PTPRM: variants seen among roughly 807,000 people sequenced by gnomAD.
PTPRM encodes the protein protein tyrosine phosphatase receptor type M.
In PTPRM, 47 loss-of-function variants were observed where a neutral mutation model predicts 186.7. The ratio of observed to expected loss-of-function variants is 0.25; its 90% CI spans 0.20 to 0.32. The LOEUF is 0.32. Among genes scored for constraint, PTPRM ranks in the 10% least tolerant of loss-of-function variants. The pLI, the probability that PTPRM is intolerant of heterozygous loss-of-function variation, is 1.00. For missense variants in PTPRM, 1,494 were observed against 1,865.0 expected (o/e 0.80, Z 3.66); for synonymous variants, 668 against 674.9 (o/e 0.99, Z 0.16).
At chr18:7,765,135 TAAGAAA>T (rs1289583496) in intron 1 of PTPRM, among the ~76,000 whole-genome samples, 8 of 152,166 alleles carry the variant, frequency 5.3e-5, no homozygotes, top group African/African-American at 1.9e-4. Flanking sequence ...TTACTATCAA[TAAGAAA>T]AATACATCTT....
Position 7,567,883 on chromosome 18 carries a change from C to A in PTPRM, c.65C>A (p.Thr22Lys), listed in dbSNP as rs760580605. The change falls in exon 1 of 33, where the codon ACG becomes AAG. Residue 22 changes from threonine (T) to lysine (K), a missense_variant. Physicochemically the swap from Thr to Lys is moderately conservative, Grantham distance 78. Transcript: ENST00000580170. The surrounding 1 kb of genome is among the most constrained non-coding windows in gnomAD (Gnocchi z 4.3). ...AGLLLTAAGE[T>K]FSGGCLFDEP... ...CTTTTGCTAACTGCGGCGGGCGAGA[C>A]GTTCTCAGGTAAGCGGGACCGCCTC... 2.4e-5 allele frequency: 37 copies of A among 1,558,544 alleles called. No individual in the cohort carries two copies. Among genetic ancestry groups the A allele is most frequent in the East Asian group, 5.3e-5 (2 of 37,570 alleles).
intron 22 of PTPRM, among the ~76,000 whole-genome samples, chr18:8,325,285 T>C (rs1026734409): frequency 2.6e-5 from 4 of 152,198 alleles, no homozygotes; most frequent in Non-Finnish European, 4.4e-5. Flanking sequence ...TAATACCCGA[T>C]AGGTAGTTTT....
intron 3 of PTPRM, among the ~76,000 whole-genome samples, chr18:7,905,103 C>T (rs910985614): frequency 6.6e-6 from 1 of 152,142 alleles, no homozygotes; most frequent in South Asian, 2.1e-4. Flanking sequence ...AAGCGATTCT[C>T]CTGTGTCAGC....
chr18:7,888,321 C>T lies in PTPRM; in HGVS notation c.412C>T (p.Arg138Cys), dbSNP rs771044309. 9.3e-6 allele frequency: 15 copies of T among 1,614,092 alleles called. No individual in the cohort carries two copies. Among genetic ancestry groups the T allele is most frequent in the African/African-American group, 6.7e-5 (5 of 74,946 alleles). The change falls in exon 3 of 33, where the codon CGT (arginine) becomes TGT (cysteine). Residue 138 changes from arginine to cysteine, a missense_variant. By Grantham distance (180) the Arg-to-Cys change is radical (BLOSUM62 -3). Around this residue, in one of 3 missense-constraint regions of PTPRM, gnomAD observed 296 missense variants for 345.5 expected, o/e 0.86. Transcript: ENST00000580170. Reference sequence around the variant, plus strand: ...CTGGAATATATCTGGAGACCCAACACGTACATGGAACAGGGCAGAACTGGC... The same window carrying T: ...CTGGAATATATCTGGAGACCCAACATGTACATGGAACAGGGCAGAACTGGC... ...PIWNISGDPT[R>C]TWNRAELAIS...
At chr18:7,963,413 C>T (rs1279130922) in intron 7 of PTPRM, among the ~76,000 whole-genome samples, 2 of 152,180 alleles carry the variant, frequency 1.3e-5, no homozygotes, top group Non-Finnish European at 2.9e-5. Flanking sequence ...TCAGAAGCTC[C>T]TCTAAAAAGT....
intron 2 of PTPRM, among the ~76,000 whole-genome samples, chr18:7,835,655 G>T (rs2046007182): frequency 6.6e-6 from 1 of 152,086 alleles, no homozygotes; most frequent in Non-Finnish European, 1.5e-5. Context: ...AACAAATACT[G>T]AAAGTGGGAT....
In PTPRM at chr18:7,735,908, A is replaced by G. The variant is rs372225571; in HGVS notation, c.74-38241A>G. 3.3e-5 allele frequency among the ~76,000 whole-genome samples: 5 copies of G among 151,960 alleles called. No homozygotes were observed. In the East Asian group the frequency reaches 7.7e-4, roughly 24 times the overall value. ...GCTGAACTCTTTTAACCAATTGCCA[A>G]TCAGGAAATCTTTGAATCCTTCTTT... On this transcript the variant is annotated intron_variant, in intron 1 of 32. Coordinates refer to ENST00000580170, the MANE Select transcript of PTPRM (RefSeq NM_001105244.2).
intron 14 of PTPRM, among the ~76,000 whole-genome samples, chr18:8,172,052 A>G (rs1600989239): frequency 6.6e-6 from 1 of 152,320 alleles, no homozygotes; most frequent in African/African-American, 2.4e-5. Flanking sequence ...TCGGAAAATC[A>G]TAAGTCAGGG....
rs149985449 is a variant in PTPRM, at chr18:8,252,516, G to C, written c.2566+17G>C. ...CAATAAATGGTAAGTTCCCCGATTC[G>C]CCCCATGGAAGAGTTGTGGAGGGAG... On this transcript the variant is annotated intron_variant, in intron 18 of 32. Coordinates refer to ENST00000580170, the MANE Select transcript of PTPRM (RefSeq NM_001105244.2). 1.9e-6 allele frequency: 3 copies of C among 1,544,376 alleles called. No individual in the cohort carries two copies. In the African/African-American group the frequency reaches 4.1e-5, roughly 21 times the overall value.
At chr18:7,810,685 G>A (rs1414262766) in intron 2 of PTPRM, among the ~76,000 whole-genome samples, 3 of 152,096 alleles carry the variant, frequency 2.0e-5, no homozygotes, top group African/African-American at 7.2e-5. Context: ...GAAGTTTGCA[G>A]GGGGGCATTA....
intron 20 of PTPRM, among the ~76,000 whole-genome samples, chr18:8,312,041 CT>C (rs766546657): frequency 6.6e-6 from 1 of 152,166 alleles, no homozygotes; most frequent in Non-Finnish European, 1.5e-5. Context: ...GGTTGCCTGC[CT>C]TTTGAAAACC....
chr18:8,131,183 T>G (rs591062), intron 13 of PTPRM, among the ~76,000 whole-genome samples: 1 of 152,044 alleles, frequency 6.6e-6, no homozygotes, highest in African/African-American at 2.4e-5. Flanking sequence ...GATTTCTTGA[T>G]AGTATGTAGG....
At chr18:8,137,779 G>C (rs557289228) in intron 13 of PTPRM, among the ~76,000 whole-genome samples, 1 of 151,962 alleles carries the variant, frequency 6.6e-6, no homozygotes, top group African/African-American at 2.4e-5. Flanking sequence ...CCCACCCAGC[G>C]TTGAAGCCTT....
At chr18:7,900,455 A>G (rs2049602703) in intron 3 of PTPRM, among the ~76,000 whole-genome samples, 1 of 152,222 alleles carries the variant, frequency 6.6e-6, no homozygotes, top group South Asian at 2.1e-4. Flanking sequence ...GATGCTGTCA[A>G]AACTATGCCG....
In PTPRM at chr18:7,941,700, C is replaced by T. The variant is rs550712760; in HGVS notation, c.664-7481C>T. ...CCAAGGCACCAGAAACAGACGTCAG[C>T]GTTGGTGCCAACGAGCAGCTGCGAC... is the stretch of plus-strand genomic sequence containing the variant. On this transcript the variant is annotated intron_variant, in intron 5 of 32. Coordinates refer to ENST00000580170, the MANE Select transcript of PTPRM (RefSeq NM_001105244.2). Among the ~76,000 whole-genome samples the T allele has an allele frequency of 2.2e-4, 33 of 152,326 alleles. 1 individual carries two copies. Among genetic ancestry groups the T allele is most frequent in the South Asian group, 1.5e-3 (7 of 4,826 alleles).
At position 7,860,521 on chromosome 18, in the gene PTPRM, A is replaced by G. The variant is rs141537321; in HGVS notation, c.197-27585A>G. 2.4e-3 allele frequency among the ~76,000 whole-genome samples: 372 copies of G among 152,274 alleles called. 1 individual carries two copies. Among genetic ancestry groups the G allele is most frequent in the African/African-American group, 8.5e-3 (355 of 41,558 alleles). ...GATCCCAGGCAAAGCACCTGCTGGTATATGCAACTTGGGAAACCCACCTGC... is the reference window on the plus strand; with the variant it reads ...GATCCCAGGCAAAGCACCTGCTGGTGTATGCAACTTGGGAAACCCACCTGC... On this transcript the variant is annotated intron_variant, in intron 2 of 32. Coordinates refer to ENST00000580170, the MANE Select transcript of PTPRM (RefSeq NM_001105244.2).
Position 8,113,676 on chromosome 18 carries a change from A to G in PTPRM, c.2047A>G (p.Thr683Ala). 1 of 1,613,782 alleles carries G rather than the reference A, an allele frequency of 6.2e-7. No homozygotes were observed. The highest frequency in any genetic ancestry group is 8.5e-7 in the Non-Finnish European group (1 of 1,179,688). ...AQPFTIGDNK[T>A]YNGYWNTPLL... ...GCCTTTTACAATTGGTGATAATAAG[A>G]CATATAATGGATACTGGAACACTCC... Residue 683 changes from threonine to alanine, a missense_variant, in exon 12 of 33, where the codon ACA becomes GCA. Physicochemically the swap from Thr to Ala is moderately conservative, Grantham distance 58 (BLOSUM62 0). Around this residue, in one of 3 missense-constraint regions of PTPRM, gnomAD observed 1,107 missense variants for 1,350.2 expected, o/e 0.82. Transcript: ENST00000580170.
intron 2 of PTPRM, among the ~76,000 whole-genome samples, chr18:7,885,453 C>T (rs751085059): frequency 2.6e-5 from 4 of 152,142 alleles, no homozygotes; most frequent in Admixed American, 6.5e-5. Context: ...TAAAAGACAT[C>T]ATGCACTGAT....
Position 8,253,334 on chromosome 18 carries a change from G to A in PTPRM, c.2674G>A (p.Ala892Thr), listed in dbSNP as rs2094546415. Residue 892 changes from alanine to threonine, a missense_variant, in exon 19 of 33, where the codon GCC (alanine) becomes ACC (threonine). Physicochemically the swap from Ala to Thr is moderately conservative, Grantham distance 58. Transcript: ENST00000580170. ...CTATCAGACTGGGCAGCTCCACCCC[G>A]CCATCCGGGTGGCAGACCTCCTTCA... The part of the protein sequence containing the change: ...VPYQTGQLHP[A>T]IRVADLLQHI... The A allele has an allele frequency of 8.1e-6, 13 of 1,596,928 alleles. No homozygotes were observed. Among genetic ancestry groups the A allele is most frequent in the African/African-American group, 2.7e-5 (2 of 74,092 alleles).
Sources: gnomAD v4.1 joint callset for allele counts (sites outside exome capture counted in the v4.1 genomes callset) on GRCh38, gnomAD v4.1.1 for gene constraint, gnomAD v4.1.1 regional missense constraint, Gnocchi (gnomAD v3.1) non-coding constraint, MANE v1.5 for transcripts, NCBI Gene and HGNC (gene_info 2026-07-23, HGNC 2026-07-21) for gene names.